The following ZKSCAN4 variants were observed in gnomAD, a reference collection of about 807,000 sequenced individuals.
ZKSCAN4 encodes the protein zinc finger protein with KRAB and SCAN domains 4.
A neutral mutation model predicts 30.8 loss-of-function variants in ZKSCAN4; 23 were observed. That is an observed-to-expected ratio of 0.75 (90% CI 0.54 to 1.06). ZKSCAN4 has a LOEUF of 1.06. Ranked by LOEUF, ZKSCAN4 falls within the 50% of genes least tolerant of loss-of-function variation. The probability of loss-of-function intolerance (pLI) is 0.00; values close to 1 mark genes in which losing one functional copy is unlikely to be tolerated. For synonymous variants in ZKSCAN4, 208 were observed against 252.5 expected, an observed-to-expected ratio of 0.82 and a Z score of 1.67; for missense variants, 556 against 665.4, an observed-to-expected ratio of 0.84 and a Z score of 1.81.
Position 28,252,161 on chromosome 6 carries a change from G to A in ZKSCAN4, c.-181C>T. On this transcript the variant is annotated 5_prime_UTR_variant, in exon 1 of 5. Transcript: ENST00000377294. Reference sequence around the variant, plus strand: ...GATCTCTCTTATAGTCCGTGCCTTTGCAGGGTCGTCCTCTGCACCCCACTC... The same window carrying A: ...GATCTCTCTTATAGTCCGTGCCTTTACAGGGTCGTCCTCTGCACCCCACTC... 1.9e-6 allele frequency: 1 copy of A among 522,894 alleles called. No homozygotes were observed. The highest frequency in any genetic ancestry group is 3.2e-6 in the Non-Finnish European group (1 of 314,232). The allele number at this position is 522,894 out of a possible 1,614,324, so 32.4% of individuals were successfully genotyped here. A position where few individuals can be genotyped will look rare whatever the true frequency, so the allele number is the denominator to read the frequency against.
chr6:28,257,652 T>C, the ZKSCAN4 span, among the ~76,000 whole-genome samples: 1 of 152,224 alleles, frequency 6.6e-6, no homozygotes, highest in Non-Finnish European at 1.5e-5. Context: ...AAAAAAAGTA[T>C]GTAATAATAT....
intron 2 of ZKSCAN4, 48 bp from the exon 3 acceptor site, chr6:28,248,197 TCCCCAC>T: frequency 1.4e-6 from 2 of 1,479,174 alleles, no homozygotes; most frequent in Non-Finnish European, 1.9e-6. Context: ...GTATTCAGCC[TCCCCAC>T]CTTGCAAAAT....
chr6:28,252,066 T>C lies in ZKSCAN4; in HGVS notation c.-86A>G. On this transcript the variant is annotated 5_prime_UTR_variant, in exon 1 of 5. Coordinates refer to ENST00000377294, the MANE Select transcript of ZKSCAN4 (RefSeq NM_019110.5). ...TCTGGAAGGGTGGTAAATTTTCCAG[T>C]AGAACTGCAAGTGGTCCCCCTCCTG... 1 of 1,423,166 alleles carries C rather than the reference T, an allele frequency of 7.0e-7. No individual in the cohort carries two copies. Among genetic ancestry groups the C allele is most frequent in the East Asian group, 2.4e-5 (1 of 42,510 alleles). 88.2% of individuals were successfully genotyped at this position (1,423,166 alleles called of 1,614,324 possible).
the ZKSCAN4 span, among the ~76,000 whole-genome samples, chr6:28,258,747 G>C: frequency 7.1e-6 from 1 of 140,046 alleles, no homozygotes; most frequent in African/African-American, 2.7e-5. Context: ...CAACCTGGGC[G>C]ACAGAGTGAG....
chr6:28,245,234 TTC>T lies in ZKSCAN4; in HGVS notation c.1518_1519del (p.Lys507AsnfsTer5). ...ATAGGGTTTCTCACCAGTGTGGATT[TTC>T]TGATGTTCAATAAGACTTCTATTCC... On this transcript the variant is annotated frameshift_variant, in exon 5 of 5. Coordinates refer to ENST00000377294, the MANE Select transcript of ZKSCAN4 (RefSeq NM_019110.5). LOFTEE classifies it high-confidence loss of function. 1 of 1,607,242 alleles carries T rather than the reference TTC, an allele frequency of 6.2e-7. No homozygotes were observed. The highest frequency in any genetic ancestry group is 1.1e-5 in the South Asian group (1 of 90,284).
upstream of ZKSCAN4, among the ~76,000 whole-genome samples, chr6:28,256,779 T>G (rs1265501166): frequency 6.6e-6 from 1 of 152,250 alleles, no homozygotes; most frequent in Admixed American, 6.5e-5. Context: ...TTCTGCTAAG[T>G]CAGGGGTTAG....
At chr6:28,258,642 G>T in the ZKSCAN4 span, among the ~76,000 whole-genome samples, 3 of 151,754 alleles carry the variant, frequency 2.0e-5, no homozygotes, top group Non-Finnish European at 4.4e-5. Flanking sequence ...TCAACCTGGC[G>T]TGGTGGTGGG....
In ZKSCAN4 at chr6:28,248,365, G is replaced by A. The variant is rs560692563; in HGVS notation, c.572-216C>T. 3.3e-5 allele frequency among the ~76,000 whole-genome samples: 5 copies of A among 152,322 alleles called. No homozygotes were observed. In the East Asian group the frequency reaches 5.8e-4, roughly 18 times the overall value. On this transcript the variant is annotated intron_variant, in intron 2 of 4. Transcript: ENST00000377294. ...ATATACAAAAACCACGTGCAGAATC[G>A]TTGGTAGGAGTGGTGAAATGAATGC... is the stretch of plus-strand genomic sequence containing the variant.
chr6:28,249,089 C>T lies in ZKSCAN4; in HGVS notation c.571+598G>A, dbSNP rs1051376267. Among the ~76,000 whole-genome samples, 2 of 152,106 alleles carry T rather than the reference C, an allele frequency of 1.3e-5. No homozygotes were observed. Among genetic ancestry groups the T allele is most frequent in the South Asian group, 4.1e-4 (2 of 4,834 alleles). On this transcript the variant is annotated intron_variant, in intron 2 of 4. Transcript: ENST00000377294. The surrounding 1 kb of genome is among the most constrained non-coding windows in gnomAD (Gnocchi z 4.1). The stretch of plus-strand genomic sequence containing the variant: ...TCCAAGTGTTGTATGTCTTAGGAAT[C>T]GGCCCAGATGTTCACAGCAGATGAG...
In ZKSCAN4 at chr6:28,245,178, G is replaced by A. The variant is rs765467811; in HGVS notation, c.1576C>T (p.Arg526Ter). The stretch of plus-strand genomic sequence containing the variant: ...TGATGTTGAACAAGGTATGAAGTTC[G>A]AGTGAAACCTTTTCCACATGTGTCA... ...QCDTCGKGFT[R>*]TSYLVQHQRS... The change falls in exon 5 of 5, where the codon CGA becomes TGA. Residue 526 changes from arginine (R) to a stop codon, truncating the protein, a stop_gained. Transcript: ENST00000377294. LOFTEE classifies it high-confidence loss of function. The A allele has an allele frequency of 1.1e-5, 17 of 1,613,900 alleles. No homozygotes were observed. The highest frequency in any genetic ancestry group is 1.7e-5 in the Admixed American group (1 of 59,992).
chr6:28,251,772 G>C lies in ZKSCAN4; in HGVS notation c.209C>G (p.Ala70Gly). ...RYPEAAGPRE[A>G]LSRLRELCGQ... ...GCAGAGTTCTCGGAGCCGGCTCAAC[G>C]CCTCGCGGGGGCCCGCAGCCTCCGG... The change falls in exon 1 of 5, where the codon GCG becomes GGG. Residue 70 changes from alanine (A) to glycine (G), a missense_variant. Ala to Gly is a moderately conservative substitution (Grantham distance 60). Around this residue, in one of 3 missense-constraint regions of ZKSCAN4, gnomAD observed 115 missense variants for 125.9 expected, o/e 0.91. Coordinates refer to ENST00000377294, the MANE Select transcript of ZKSCAN4 (RefSeq NM_019110.5). This position sits in a 1 kb window ranked among gnomAD's most constrained non-coding sequence, Gnocchi z 4.5. 6.2e-7 allele frequency: 1 copy of C among 1,614,168 alleles called. No individual in the cohort carries two copies. The highest frequency in any genetic ancestry group is 8.5e-7 in the Non-Finnish European group (1 of 1,179,982).
At chr6:28,256,784 G>A (rs1199215163), upstream of ZKSCAN4, among the ~76,000 whole-genome samples, 1 of 152,148 alleles carries the variant, frequency 6.6e-6, no homozygotes, top group Non-Finnish European at 1.5e-5. Flanking sequence ...CTAAGTCAGG[G>A]GTTAGCAAAC....
chr6:28,257,313 T>A, the ZKSCAN4 span, among the ~76,000 whole-genome samples: 1 of 152,176 alleles, frequency 6.6e-6, no homozygotes, highest in Non-Finnish European at 1.5e-5. Context: ...AAACACTGCA[T>A]GTTCTCATAA....
At chr6:28,248,841 AAAAG>A in intron 2 of ZKSCAN4, among the ~76,000 whole-genome samples, 1 of 126,376 alleles carries the variant, frequency 7.9e-6, no homozygotes, top group African/African-American at 3.3e-5. Context: ...AAAAAAAAAA[AAAAG>A]AAAAAAGAAA....
intron 1 of ZKSCAN4, among the ~76,000 whole-genome samples, chr6:28,250,430 G>T (rs927255614): frequency 2.6e-5 from 4 of 152,202 alleles, no homozygotes; most frequent in Non-Finnish European, 5.9e-5. Flanking sequence ...GAAATGCTAG[G>T]ATGGGAGCTC....
Position 28,249,569 on chromosome 6 carries a change from A to AGAG in ZKSCAN4, c.571+117_571+118insCTC. The AGAG allele has an allele frequency of 8.0e-7, 1 of 1,242,452 alleles. No homozygotes were observed. Among genetic ancestry groups the AGAG allele is most frequent in the South Asian group, 1.9e-5 (1 of 52,352 alleles). 77.0% of individuals were successfully genotyped at this position (1,242,452 alleles called of 1,614,324 possible). A position where few individuals can be genotyped will look rare whatever the true frequency, so the allele number is the denominator to read the frequency against. On this transcript the variant is annotated intron_variant, in intron 2 of 4. Transcript: ENST00000377294. This position sits in a 1 kb window ranked among gnomAD's most constrained non-coding sequence, Gnocchi z 4.1. Reference sequence around the variant, plus strand: ...TGAAATTTCTCTTAGTCTCAGTCTTAAAATACAGCTCTCTGTGATGAGTAT... The same window carrying AGAG: ...TGAAATTTCTCTTAGTCTCAGTCTTAGAGAAATACAGCTCTCTGTGATGAGTAT...
At chr6:28,248,232 G>T (rs954807466) in intron 2 of ZKSCAN4, 83 bp from the exon 3 acceptor site, 2 of 1,002,916 alleles carry the variant, frequency 2.0e-6, no homozygotes, top group Admixed American at 2.3e-5. Context: ...AAAAACTGGG[G>T]CAGTAAGTTC....
upstream of ZKSCAN4, among the ~76,000 whole-genome samples, chr6:28,256,847 G>A (rs1336149602): frequency 6.6e-6 from 1 of 152,194 alleles, no homozygotes; most frequent in Non-Finnish European, 1.5e-5. Flanking sequence ...TGGTCTGAGT[G>A]AGGAATTATC....
upstream of ZKSCAN4, among the ~76,000 whole-genome samples, chr6:28,252,905 C>T (rs1761070390): frequency 6.6e-6 from 1 of 152,160 alleles, no homozygotes; most frequent in Non-Finnish European, 1.5e-5. Flanking sequence ...ACCCCATTCT[C>T]TTCTGCTTTC....
Sources: allele counts gnomAD v4.1 joint callset (sites outside exome capture counted in the v4.1 genomes callset), GRCh38; gene constraint gnomAD v4.1.1; regional missense constraint gnomAD v4.1.1; non-coding constraint Gnocchi (gnomAD v3.1); transcripts MANE v1.5; gene names NCBI Gene and HGNC (gene_info 2026-07-23, HGNC 2026-07-21).